Variants in ZNF302 observed in about 807,000 individuals in gnomAD.
ZNF302 encodes zinc finger protein 327.
A neutral mutation model predicts 10.8 loss-of-function variants in ZNF302; 12 were observed. That is an observed-to-expected ratio of 1.11 (90% CI 0.71 to 1.79). ZNF302 has a LOEUF of 1.79. Ranked by LOEUF, ZNF302 falls within the 40% of genes most tolerant of loss-of-function variation. The pLI is 0.00. For missense variants in ZNF302, 461 were observed against 471.1 expected (o/e 0.98, Z 0.20); for synonymous variants, 178 against 157.5 (o/e 1.13, Z -0.98).
chr19:34,677,332 A>C (rs2067999516), upstream of ZNF302: 1 of 152,232 alleles, frequency 6.6e-6, no homozygotes. Flanking sequence ...AGACCTTGGC[A>C]CGGCTGCAGT....
intron 2 of ZNF302, 107 bp downstream of exon 2, chr19:34,678,920 T>A: frequency 7.5e-7 from 1 of 1,329,880 alleles, no homozygotes; most frequent in Non-Finnish European, 1.1e-6. Context: ...TTTAAGGGAC[T>A]AGATCTATGG....
In ZNF302 at chr19:34,684,368, A is replaced by C; in HGVS notation, c.331A>C (p.Asn111His). 1 of 1,602,202 alleles carries C rather than the reference A, an allele frequency of 6.2e-7. No homozygotes were observed. Among genetic ancestry groups the C allele is most frequent in the African/African-American group, 1.3e-5 (1 of 74,372 alleles). Residue 111 changes from asparagine (N) to histidine (H), a missense_variant, in exon 5 of 5, where the codon AAT (asparagine) becomes CAT (histidine). Physicochemically the swap from Asn to His is moderately conservative, Grantham distance 68. Transcript: ENST00000505242. ...TGTAAAACAAAGTTATGAATTTTCA[A>C]ATTCTAATAAGAATTTGGAATATAC... The part of the protein sequence containing the change: ...KVVKQSYEFS[N>H]SNKNLEYTEC...
Position 34,682,775 on chromosome 19 carries a change from AG to A in ZNF302, c.10del, listed in dbSNP as rs370887277. 6.0e-4 allele frequency: 964 copies of A among 1,613,374 alleles called. 3 individuals are homozygous for A. In the East Asian group the frequency reaches 0.014, roughly 24 times the overall value. Reference sequence around the variant, plus strand: ...TGAGCCTAAATATATTTGCTATTTCAGGTGACATTTAGTGATGTGGCTATAG... The same window carrying A: ...TGAGCCTAAATATATTTGCTATTTCAGTGACATTTAGTGATGTGGCTATAG... On this transcript the variant is annotated splice_acceptor_variant, in intron 2 of 4. Transcript: ENST00000505242. LOFTEE classifies it high-confidence loss of function.
rs541260016 is a variant in ZNF302, at chr19:34,684,560, A to C, written c.523A>C (p.Asn175His). 6 of 1,613,810 alleles carry C rather than the reference A, an allele frequency of 3.7e-6. No homozygotes were observed. Among genetic ancestry groups the C allele is most frequent in the Non-Finnish European group, 5.1e-6 (6 of 1,179,790 alleles). Reference protein sequence around the residue: ...ERINGGKKLLNSNKSGAAFNQ... With the variant: ...ERINGGKKLLHSNKSGAAFNQ... ...AATAAATGGTGGAAAGAAACTTTTA[A>C]ATTCTAATAAAAGTGGGGCAGCCTT... Residue 175 changes from asparagine to histidine, a missense_variant, in exon 5 of 5, where the codon AAT becomes CAT. Asn to His is a moderately conservative substitution (Grantham distance 68). Coordinates refer to ENST00000505242, the MANE Select transcript of ZNF302 (RefSeq NM_001289187.2).
In ZNF302 at chr19:34,684,860, C is replaced by G. The variant is rs751655910; in HGVS notation, c.823C>G (p.His275Asp). 6 of 1,613,856 alleles carry G rather than the reference C, an allele frequency of 3.7e-6. No homozygotes were observed. Among genetic ancestry groups the G allele is most frequent in the Non-Finnish European group, 5.1e-6 (6 of 1,179,788 alleles). The stretch of plus-strand genomic sequence containing the variant: ...TAGCCATGGCTCATCACTTACTAAC[C>G]ATCAGAGCACTCACACGGGAGAGAA... ...AFSHGSSLTN[H>D]QSTHTGEKPY... Residue 275 changes from histidine to aspartate, a missense_variant, in exon 5 of 5, where the codon CAT becomes GAT. His to Asp is a moderately conservative substitution (Grantham distance 81). Coordinates refer to ENST00000505242, the MANE Select transcript of ZNF302 (RefSeq NM_001289187.2).
At chr19:34,682,662 G>T in intron 2 of ZNF302, 115 bp from the exon 3 acceptor site, 1 of 1,497,524 alleles carries the variant, frequency 6.7e-7, no homozygotes. Flanking sequence ...CCCAGTCATT[G>T]TCACAGCTCC....
At chr19:34,682,729 A>G (rs1316791729) in intron 2 of ZNF302, 48 bp from the exon 3 acceptor site, 1 of 1,604,214 alleles carries the variant, frequency 6.2e-7, no homozygotes, top group East Asian at 2.2e-5. Context: ...CTTCAGTGAC[A>G]GAAGAGGCCT....
chr19:34,679,890 T>C (rs1419762465), intron 2 of ZNF302: 1 of 702,838 alleles, frequency 1.4e-6, no homozygotes, highest in African/African-American at 1.7e-5. Context: ...GTGGAGTGAA[T>C]AAGATGAGTA....
At position 34,684,486 on chromosome 19, in the gene ZNF302, ATATAT is replaced by A. The variant is rs1463583299; in HGVS notation, c.452_456del (p.Ile151LysfsTer13). On this transcript the variant is annotated frameshift_variant, in exon 5 of 5. Coordinates refer to ENST00000505242, the MANE Select transcript of ZNF302 (RefSeq NM_001289187.2). LOFTEE classifies it low-confidence loss of function (END_TRUNC). ...GCTGAAGGGAATTCACACAAATATG[ATATAT>A]TAAAGAAGAATTTATCAAAAAAGTC... 6.2e-7 allele frequency: 1 copy of A among 1,612,728 alleles called. No individual in the cohort carries two copies. The highest frequency in any genetic ancestry group is 8.5e-7 in the Non-Finnish European group (1 of 1,179,204).
At chr19:34,677,661 C>T (rs1186688974), upstream of ZNF302, 1 of 152,456 alleles carries the variant, frequency 6.6e-6, no homozygotes, top group Non-Finnish European at 1.5e-5. Context: ...TGTGGTTCGC[C>T]GTGGGCGGTG....
Position 34,678,107 on chromosome 19 carries a change from C to G in ZNF302, c.-69+4C>G, listed in dbSNP as rs1347361614. 1 of 152,210 alleles carries G rather than the reference C, an allele frequency of 6.6e-6. No individual in the cohort carries two copies. The highest frequency in any genetic ancestry group is 2.1e-4 in the South Asian group (1 of 4,832). The allele number at this position is 152,210 out of a possible 1,614,324, so 9.4% of individuals were successfully genotyped here. A position where few individuals can be genotyped will look rare whatever the true frequency, so the allele number is the denominator to read the frequency against. ...TTGTGCAACCTTGAACAAATGGGTT[C>G]AGTATCTCGGAATTTCAGTTTTGTC... On this transcript the variant is annotated splice_donor_region_variant and intron_variant, in intron 1 of 4. Coordinates refer to ENST00000505242, the MANE Select transcript of ZNF302 (RefSeq NM_001289187.2).
At chr19:34,676,352 T>G (rs896477126), upstream of ZNF302, 6 of 152,230 alleles carry the variant, frequency 3.9e-5, no homozygotes, top group African/African-American at 1.4e-4. Context: ...ATCAGTGCCA[T>G]GGCAATTTAC....
rs2068571883 is a variant in ZNF302 at position 34,684,811 on chromosome 19, A to G, written c.774A>G (p.Lys258=). 4.3e-6 allele frequency: 7 copies of G among 1,613,872 alleles called. No homozygotes were observed. In the East Asian group the frequency reaches 1.6e-4, roughly 36 times the overall value. Residue 258 remains lysine (K), a synonymous_variant, in exon 5 of 5, where the codon AAA becomes AAG. Transcript: ENST00000505242. ...QISHSGEKPY[K]CIECGKAFSH... Reference sequence around the variant, plus strand: ...GCCATAGTGGAGAGAAACCTTACAAATGCATTGAATGTGGGAAGGCCTTTA... The same window carrying G: ...GCCATAGTGGAGAGAAACCTTACAAGTGCATTGAATGTGGGAAGGCCTTTA...
At chr19:34,678,618 A>C in intron 1 of ZNF302, 119 bp from the exon 2 acceptor site, 61 of 586,162 alleles carry the variant, frequency 1.0e-4, no homozygotes, top group East Asian at 1.5e-4. Context: ...CTTCCCAGGG[A>C]GAGATTGACG....
Position 34,685,564 on chromosome 19 carries a change from T to C in ZNF302, c.*327T>C. 2.6e-6 allele frequency: 4 copies of C among 1,510,346 alleles called. No individual in the cohort carries two copies. The highest frequency in any genetic ancestry group is 3.7e-6 in the Non-Finnish European group (4 of 1,087,166). 93.6% of individuals were successfully genotyped at this position (1,510,346 alleles called of 1,614,324 possible). On this transcript the variant is annotated 3_prime_UTR_variant, in exon 5 of 5. Transcript: ENST00000505242. ...GAGTACATAATGGAGAGAAACCCAA[T>C]AGTGTGGTAAGTGTGGAAAAGCCTT...
chr19:34,680,950 T>C (rs1301328475), intron 2 of ZNF302, among the ~76,000 whole-genome samples: 5 of 152,248 alleles, frequency 3.3e-5, no homozygotes, highest in Admixed American at 1.3e-4. Flanking sequence ...GTGAAGTGCA[T>C]CAAGGTCTGA....
At chr19:34,680,984 T>C (rs2068310678) in intron 2 of ZNF302, among the ~76,000 whole-genome samples, 1 of 152,240 alleles carries the variant, frequency 6.6e-6, no homozygotes, top group South Asian at 2.1e-4. Flanking sequence ...GTAATAAAAC[T>C]GCTTTCTTTT....
rs1407733015 is a variant in ZNF302, at chr19:34,685,544, C to T, written c.*307C>T. The T allele has an allele frequency of 6.5e-7, 1 of 1,546,530 alleles. No individual in the cohort carries two copies. The highest frequency in any genetic ancestry group is 8.9e-7 in the Non-Finnish European group (1 of 1,120,004). ...GAATCTTACTGCCCATCAAAGAGTACATAATGGAGAGAAACCCAATAGTGT... is the reference window on the plus strand; with the variant it reads ...GAATCTTACTGCCCATCAAAGAGTATATAATGGAGAGAAACCCAATAGTGT... On this transcript the variant is annotated 3_prime_UTR_variant, in exon 5 of 5. Transcript: ENST00000505242.
In ZNF302 at chr19:34,686,361, T is replaced by C. The variant is rs139328380; in HGVS notation, c.*1124T>C. On this transcript the variant is annotated 3_prime_UTR_variant, in exon 5 of 5. Transcript: ENST00000505242. ...AGAAATAAAATGGTGTTAATAAAAATTTGGCATCTAATAAAATCATTTTGT... is the reference window on the plus strand; with the variant it reads ...AGAAATAAAATGGTGTTAATAAAAACTTGGCATCTAATAAAATCATTTTGT... 2 of 152,302 alleles carry C rather than the reference T, an allele frequency of 1.3e-5. No individual in the cohort carries two copies. Among genetic ancestry groups the C allele is most frequent in the East Asian group, 3.9e-4 (2 of 5,192 alleles). The allele number at this position is 152,302 out of a possible 1,614,324, so 9.4% of individuals were successfully genotyped here.
Sources: gnomAD v4.1 joint callset for allele counts (sites outside exome capture counted in the v4.1 genomes callset) on GRCh38, gnomAD v4.1.1 for gene constraint, MANE v1.5 for transcripts, NCBI Gene and HGNC (gene_info 2026-07-23, HGNC 2026-07-21) for gene names.